Variants in DPYD observed in about 807,000 individuals in gnomAD.
DPYD encodes the protein dihydropyrimidine dehydrogenase [NADP(+)].
Under a neutral mutation model 116.2 loss-of-function variants are expected in DPYD, and 109 were observed. The observed-to-expected ratio is 0.94, with a 90% confidence interval of 0.80 to 1.10. DPYD has a LOEUF of 1.10. DPYD is among the 50% of genes least tolerant of loss of function. DPYD has a pLI of 0.00. For missense variants in DPYD, 1,302 were observed against 1,254.5 expected (o/e 1.04, Z -0.57); for synonymous variants, 440 against 432.0 (o/e 1.02, Z -0.23).
At chr1:97,521,348 A>G (rs1648648475) in intron 12 of DPYD, among the ~76,000 whole-genome samples, 1 of 152,200 alleles carries the variant, frequency 6.6e-6, no homozygotes, top group South Asian at 2.1e-4. Flanking sequence ...AAGAAATACA[A>G]CTTACAAGGA....
intron 3 of DPYD, among the ~76,000 whole-genome samples, chr1:97,746,040 C>A (rs80339829): frequency 0.038 from 5,739 of 152,144 alleles, 231 homozygotes; most frequent in Admixed American, 0.12. Flanking sequence ...ACTGTCTCCT[C>A]AAGAGGCTTC....
chr1:97,399,499 C>T (rs867255653), intron 14 of DPYD, among the ~76,000 whole-genome samples: 1 of 152,056 alleles, frequency 6.6e-6, no homozygotes, highest in East Asian at 1.9e-4. Flanking sequence ...TCATTGGTAG[C>T]TTGATGGGGA....
intron 15 of DPYD, among the ~76,000 whole-genome samples, chr1:97,378,369 T>C (rs2101544870): frequency 6.6e-6 from 1 of 152,336 alleles, no homozygotes; most frequent in South Asian, 2.1e-4. Context: ...ATTTAATTCA[T>C]GACATATTGC....
intron 3 of DPYD, among the ~76,000 whole-genome samples, chr1:97,786,409 A>C (rs1171167444): frequency 6.6e-6 from 1 of 152,196 alleles, no homozygotes; most frequent in Non-Finnish European, 1.5e-5. Flanking sequence ...TCTTCCTTAC[A>C]AATGATTTTT....
chr1:97,514,368 T>C (rs1467681218), intron 13 of DPYD: 4 of 494,268 alleles, frequency 8.1e-6, no homozygotes, highest in Non-Finnish European at 1.0e-5. Context: ...GCTATAATTC[T>C]TCACCTGTGC....
chr1:97,443,146 A>G (rs1675896329), intron 14 of DPYD, among the ~76,000 whole-genome samples: 1 of 152,204 alleles, frequency 6.6e-6, no homozygotes, highest in African/African-American at 2.4e-5. Flanking sequence ...ACAACTCTAG[A>G]AAAACAGAAT....
intron 10 of DPYD, 65 bp downstream of exon 10, chr1:97,593,153 T>G: frequency 6.4e-7 from 1 of 1,551,812 alleles, no homozygotes; most frequent in Non-Finnish European, 8.9e-7. Context: ...ATTTAAACAT[T>G]AACAGTTTCA....
At chr1:97,303,679 T>C (rs966796173) in intron 18 of DPYD, among the ~76,000 whole-genome samples, 3 of 152,012 alleles carry the variant, frequency 2.0e-5, no homozygotes, top group African/African-American at 4.8e-5. Context: ...GAAAGGCTAT[T>C]TTCAAAACAG....
At chr1:97,631,088 T>C (rs1371846938) in intron 8 of DPYD, among the ~76,000 whole-genome samples, 2 of 152,102 alleles carry the variant, frequency 1.3e-5, no homozygotes, top group Admixed American at 6.6e-5. Flanking sequence ...CTGATTTTCA[T>C]TTGCTGGAAC....
chr1:97,287,887 T>G (rs1169613644), intron 18 of DPYD, among the ~76,000 whole-genome samples: 1 of 152,034 alleles, frequency 6.6e-6, no homozygotes, highest in Admixed American at 6.6e-5. Flanking sequence ...AGACACAGAC[T>G]GGCAAATTAG....
At chr1:97,643,349 G>C (rs1658049450) in intron 8 of DPYD, among the ~76,000 whole-genome samples, 1 of 152,042 alleles carries the variant, frequency 6.6e-6, no homozygotes, top group Non-Finnish European at 1.5e-5. Context: ...CATCATCCCT[G>C]GTCATTACAG....
At chr1:97,880,848 GATT>G (rs916679432) in intron 2 of DPYD, among the ~76,000 whole-genome samples, 4 of 151,838 alleles carry the variant, frequency 2.6e-5, no homozygotes, top group Non-Finnish European at 5.9e-5. Flanking sequence ...AATTTATCCA[GATT>G]ATTATTTCAA....
chr1:97,598,264 T>A (rs1012723671), intron 8 of DPYD, among the ~76,000 whole-genome samples: 22 of 152,168 alleles, frequency 1.4e-4, no homozygotes, highest in Middle Eastern at 3.2e-3. Context: ...CAAATAGTCA[T>A]CTATCAAAGG....
At chr1:97,843,168 G>T (rs1670121342) in intron 2 of DPYD, among the ~76,000 whole-genome samples, 1 of 151,994 alleles carries the variant, frequency 6.6e-6, no homozygotes, top group Admixed American at 6.6e-5. Flanking sequence ...CCTACTCAGG[G>T]TCTCAATTTC....
chr1:97,653,714 C>T (rs543728101), intron 8 of DPYD, among the ~76,000 whole-genome samples: 2 of 152,196 alleles, frequency 1.3e-5, no homozygotes, highest in African/African-American at 4.8e-5. Flanking sequence ...TCCTTCTCTT[C>T]TATTCTCCCT....
intron 18 of DPYD, among the ~76,000 whole-genome samples, chr1:97,297,036 C>G (rs1196936653): frequency 1.3e-5 from 2 of 152,090 alleles, no homozygotes; most frequent in African/African-American, 4.8e-5. Flanking sequence ...CTCAGGTCAA[C>G]TAAAATGAGT....
At chr1:97,776,514 T>C (rs900470737) in intron 3 of DPYD, among the ~76,000 whole-genome samples, 1 of 152,212 alleles carries the variant, frequency 6.6e-6, no homozygotes, top group African/African-American at 2.4e-5. Flanking sequence ...TTTTTTGAGG[T>C]GATCCTCTTA....
chr1:97,736,888 A>T, intron 4 of DPYD, among the ~76,000 whole-genome samples: 1 of 81,934 alleles, frequency 1.2e-5, no homozygotes, highest in African/African-American at 5.4e-5. Context: ...GTGTGTGTGT[A>T]GGGCTTTATT....
intron 3 of DPYD, among the ~76,000 whole-genome samples, chr1:97,778,197 AG>A (rs1383585854): frequency 2.1e-4 from 25 of 119,046 alleles, no homozygotes; most frequent in Non-Finnish European, 3.7e-4. Context: ...AAAGAGAGAG[AG>A]AGAGAGAGAG....
Sources: allele counts gnomAD v4.1 joint callset (sites outside exome capture counted in the v4.1 genomes callset), GRCh38; gene constraint gnomAD v4.1.1; transcripts MANE v1.5; gene names NCBI Gene and HGNC (gene_info 2026-07-23, HGNC 2026-07-21).